CPXM2: variants seen among roughly 807,000 people sequenced by gnomAD.
The protein encoded by CPXM2 is inactive carboxypeptidase-like protein X2.
A neutral mutation model predicts 86.1 loss-of-function variants in CPXM2; 66 were observed. The ratio of observed to expected loss-of-function variants is 0.77; its 90% CI spans 0.63 to 0.94. The LOEUF is 0.94. CPXM2 is among the 40% of genes least tolerant of loss of function. The pLI, the probability that CPXM2 is intolerant of heterozygous loss-of-function variation, is 0.00. For synonymous variants in CPXM2, 388 were observed against 400.2 expected, an observed-to-expected ratio of 0.97 and a Z score of 0.36; for missense variants, 948 against 1,026.3, an observed-to-expected ratio of 0.92 and a Z score of 1.04.
chr10:123,756,138 C>T (rs934086494), intron 12 of CPXM2, among the ~76,000 whole-genome samples: 1 of 152,178 alleles, frequency 6.6e-6, no homozygotes, highest in Non-Finnish European at 1.5e-5. Flanking sequence ...GCTGAATGTG[C>T]CTTCTGACTC....
intron 2 of CPXM2, among the ~76,000 whole-genome samples, chr10:123,866,564 CAA>C (rs34989736): frequency 1.6e-3 from 227 of 143,406 alleles, no homozygotes; most frequent in Non-Finnish European, 1.4e-3. Flanking sequence ...GACACTGTCT[CAA>C]AAAAAAAAAA....
At chr10:123,921,731 A>G (rs1945580800) in intron 2 of CPXM2, among the ~76,000 whole-genome samples, 1 of 152,268 alleles carries the variant, frequency 6.6e-6, no homozygotes, top group African/African-American at 2.4e-5. Context: ...CACATGTGCC[A>G]TTGTTAGCCT....
At chr10:123,887,644 C>T (rs1590103494) in intron 1 of CPXM2, among the ~76,000 whole-genome samples, 1 of 152,074 alleles carries the variant, frequency 6.6e-6, no homozygotes. Flanking sequence ...AGGGACACTG[C>T]TAAACATCCT....
chr10:123,828,755 A>G (rs1445279942), intron 4 of CPXM2, among the ~76,000 whole-genome samples: 1 of 152,228 alleles, frequency 6.6e-6, no homozygotes, highest in Non-Finnish European at 1.5e-5. Context: ...TAAAACATAA[A>G]ACAATAAAAC....
chr10:123,878,505 A>ATGTGTGTGTG (rs1564809729), intron 2 of CPXM2, among the ~76,000 whole-genome samples: 1 of 88,454 alleles, frequency 1.1e-5, no homozygotes, highest in Non-Finnish European at 2.2e-5. Flanking sequence ...GCAAATTCAG[A>ATGTGTGTGTG]CGTGTGTGTG....
At chr10:123,814,924 T>G (rs556400409) in intron 4 of CPXM2, among the ~76,000 whole-genome samples, 1 of 152,208 alleles carries the variant, frequency 6.6e-6, no homozygotes, top group Non-Finnish European at 1.5e-5. Flanking sequence ...ACTCGGCAGG[T>G]TGAGCTGGGA....
At chr10:123,928,876 G>A (rs146757866) in intron 2 of CPXM2, among the ~76,000 whole-genome samples, 128 of 152,340 alleles carry the variant, frequency 8.4e-4, no homozygotes, top group African/African-American at 2.6e-3. Context: ...ATCCATGGCC[G>A]TTGAAAAATA....
chr10:123,853,172 G>C (rs926204293), intron 3 of CPXM2, among the ~76,000 whole-genome samples: 13 of 152,176 alleles, frequency 8.5e-5, no homozygotes, highest in African/African-American at 2.9e-4. Flanking sequence ...CATGTAAGCA[G>C]TGCCTGCCTC....
At chr10:123,821,676 A>AGGACC (rs1288787260) in intron 4 of CPXM2, among the ~76,000 whole-genome samples, 250 of 152,310 alleles carry the variant, frequency 1.6e-3, no homozygotes, top group Middle Eastern at 3.4e-3. Flanking sequence ...CCTCCAGGGG[A>AGGACC]CATTTGACAA....
chr10:123,771,737 C>T (rs1413203414), intron 7 of CPXM2, among the ~76,000 whole-genome samples: 3 of 152,120 alleles, frequency 2.0e-5, no homozygotes, highest in East Asian at 3.9e-4. Flanking sequence ...TGAAAGGGAC[C>T]GGGTGGGAGG....
At chr10:123,834,598 G>C (rs149682470) in intron 4 of CPXM2, among the ~76,000 whole-genome samples, 1 of 152,156 alleles carries the variant, frequency 6.6e-6, no homozygotes, top group Non-Finnish European at 1.5e-5. Flanking sequence ...GGATGCTCCT[G>C]GGCTGGAGTG....
intron 3 of CPXM2, among the ~76,000 whole-genome samples, chr10:123,854,918 C>T (rs1848687114): frequency 6.6e-6 from 1 of 151,904 alleles, no homozygotes; most frequent in Non-Finnish European, 1.5e-5. Context: ...CCAGATAATC[C>T]TGTGGTTCCT....
chr10:123,837,065 C>G (rs1169896744), intron 4 of CPXM2, among the ~76,000 whole-genome samples: 1 of 152,262 alleles, frequency 6.6e-6, no homozygotes, highest in South Asian at 2.1e-4. Context: ...AGAAATTCAC[C>G]TTTCTTGTCC....
chr10:123,758,381 CTT>C (rs905465781), intron 11 of CPXM2, among the ~76,000 whole-genome samples: 1 of 152,122 alleles, frequency 6.6e-6, no homozygotes, highest in African/African-American at 2.4e-5. Flanking sequence ...CCCTGGCATT[CTT>C]TGTCTTGAGG....
intron 2 of CPXM2, among the ~76,000 whole-genome samples, chr10:123,905,417 C>G (rs1423672577): frequency 1.3e-5 from 2 of 152,170 alleles, no homozygotes; most frequent in African/African-American, 2.4e-5. Context: ...GGATGCCACT[C>G]TCTTTGCCTG....
intron 2 of CPXM2, among the ~76,000 whole-genome samples, chr10:123,876,214 C>T (rs7918804): frequency 0.6 from 91,528 of 151,942 alleles, 28,698 homozygotes; most frequent in Non-Finnish European, 0.68. Flanking sequence ...AGAGAACCCA[C>T]CTGAGCATAT....
chr10:123,824,270 G>A (rs1292274532), intron 4 of CPXM2, among the ~76,000 whole-genome samples: 1 of 152,212 alleles, frequency 6.6e-6, no homozygotes, highest in East Asian at 1.9e-4. Flanking sequence ...TCTGCTGGCT[G>A]TGCTAATGTT....
chr10:123,852,487 A>G (rs937668359), intron 3 of CPXM2, among the ~76,000 whole-genome samples: 3 of 152,166 alleles, frequency 2.0e-5, no homozygotes, highest in African/African-American at 7.2e-5. Context: ...CGCCCTTGAC[A>G]GGCCTCTGCT....
At chr10:123,800,648 T>C (rs1847437033) in intron 4 of CPXM2, among the ~76,000 whole-genome samples, 1 of 151,432 alleles carries the variant, frequency 6.6e-6, no homozygotes, top group East Asian at 1.9e-4. Context: ...GTGATGAATG[T>C]AGGAAACCCC....
Sources: gnomAD v4.1 joint callset for allele counts (sites outside exome capture counted in the v4.1 genomes callset) on GRCh38, gnomAD v4.1.1 for gene constraint, MANE v1.5 for transcripts, NCBI Gene and HGNC (gene_info 2026-07-23, HGNC 2026-07-21) for gene names.